ST7L: variants seen among roughly 807,000 people sequenced by gnomAD.
ST7L encodes suppressor of tumorigenicity 7 protein-like.
Under a neutral mutation model 72.5 loss-of-function variants are expected in ST7L, and 57 were observed. That is an observed-to-expected ratio of 0.79 (90% CI 0.64 to 0.98). The LOEUF (loss-of-function observed/expected upper bound fraction) is 0.98, where lower values mean the gene tolerates loss of function less well. ST7L is among the 50% of genes least tolerant of loss of function. The probability of loss-of-function intolerance (pLI) is 0.00; values close to 1 mark genes in which losing one functional copy is unlikely to be tolerated. For synonymous variants in ST7L, 221 were observed against 240.9 expected, an observed-to-expected ratio of 0.92 and a Z score of 0.77; for missense variants, 576 against 672.2, an observed-to-expected ratio of 0.86 and a Z score of 1.58.
chr1:112,574,634 G>T (rs1662796491), intron 11 of ST7L, among the ~76,000 whole-genome samples: 1 of 151,134 alleles, frequency 6.6e-6, no homozygotes, highest in Non-Finnish European at 1.5e-5. Flanking sequence ...ACTCCAGCCT[G>T]GGCGACAGAA....
intron 11 of ST7L, among the ~76,000 whole-genome samples, chr1:112,566,294 C>CTTTTTTTTTTTTTTTTTTTTTTT (rs33915951): frequency 4.6e-5 from 5 of 108,974 alleles, no homozygotes; most frequent in Admixed American, 1.0e-4. Flanking sequence ...TTTTCTTCTT[C>CTTTTTTTTTTTTTTTTTTTTTTT]TTCTTTTTTT....
chr1:112,550,753 G>C, intron 12 of ST7L, 60 bp from the exon 13 acceptor site: 1 of 1,350,958 alleles, frequency 7.4e-7, no homozygotes, highest in Non-Finnish European at 1.0e-6. Context: ...TCCTATATTT[G>C]GAGACAAATT....
At chr1:112,540,647 T>C (rs1655950717) in intron 14 of ST7L, 1 of 1,183,598 alleles carries the variant, frequency 8.4e-7, no homozygotes, top group Non-Finnish European at 1.1e-6. Flanking sequence ...CCACTGCTCT[T>C]ACCACTGGTG....
intron 2 of ST7L, among the ~76,000 whole-genome samples, chr1:112,611,778 C>G (rs7546094): frequency 6.6e-6 from 1 of 151,624 alleles, no homozygotes; most frequent in Non-Finnish European, 1.5e-5. Context: ...CTGGACAAAA[C>G]AGTGAGACCT....
downstream of ST7L, chr1:112,520,565 A>C (rs1259905230): frequency 6.4e-7 from 1 of 1,562,472 alleles, no homozygotes; most frequent in African/African-American, 1.4e-5. Context: ...CAAAAGCACA[A>C]GATCCTTGCA....
intron 2 of ST7L, 81 bp from the exon 3 acceptor site, chr1:112,611,084 T>TCC: frequency 2.9e-6 from 4 of 1,397,324 alleles, no homozygotes; most frequent in Non-Finnish European, 3.9e-6. Flanking sequence ...TCTCAAGATG[T>TCC]CCTGTTCAAT....
chr1:112,594,148 C>T (rs1666075769), intron 5 of ST7L, among the ~76,000 whole-genome samples: 1 of 151,312 alleles, frequency 6.6e-6, no homozygotes, highest in Non-Finnish European at 1.5e-5. Context: ...CCCTATCCTA[C>T]CTAACCACAA....
At chr1:112,529,672 C>T (rs773762290) in intron 14 of ST7L, 6 of 139,296 alleles carry the variant, frequency 4.3e-5, no homozygotes, top group Non-Finnish European at 7.7e-5. Context: ...GCTCAAAATG[C>T]AATTTTAAAA....
chr1:112,581,888 G>T, intron 9 of ST7L, 104 bp downstream of exon 9: 1 of 821,910 alleles, frequency 1.2e-6, no homozygotes, highest in Non-Finnish European at 2.0e-6. Context: ...AATACTGACT[G>T]GTAAGAACAG....
At chr1:112,601,629 T>C (rs544035443) in intron 3 of ST7L, among the ~76,000 whole-genome samples, 7 of 152,302 alleles carry the variant, frequency 4.6e-5, no homozygotes, top group Admixed American at 3.9e-4. Context: ...AAGGTGGTGA[T>C]ATTTGAACTG....
intron 6 of ST7L, 76 bp from the exon 7 acceptor site, chr1:112,584,202 C>A: frequency 7.0e-7 from 1 of 1,420,686 alleles, no homozygotes; most frequent in South Asian, 1.4e-5. Context: ...TCCCTTTGCT[C>A]TATGTCATAT....
intron 12 of ST7L, among the ~76,000 whole-genome samples, chr1:112,553,858 G>T (rs2101583763): frequency 6.6e-6 from 1 of 152,294 alleles, no homozygotes; most frequent in East Asian, 1.9e-4. Context: ...ATATCTGACA[G>T]ATGTTGAATT....
chr1:112,593,025 G>A (rs1487121842), intron 5 of ST7L, among the ~76,000 whole-genome samples: 1 of 152,064 alleles, frequency 6.6e-6, no homozygotes, highest in Admixed American at 6.6e-5. Context: ...TTCAGGCAGT[G>A]TAACACAGTA....
chr1:112,613,380 T>C (rs1669368215), intron 2 of ST7L, among the ~76,000 whole-genome samples: 1 of 152,218 alleles, frequency 6.6e-6, no homozygotes, highest in South Asian at 2.1e-4. Context: ...ATTTTAGAGA[T>C]GAGGACACAC....
intron 14 of ST7L, chr1:112,526,699 C>T (rs1570825585): frequency 6.6e-6 from 1 of 150,630 alleles, no homozygotes; most frequent in Admixed American, 6.6e-5. Context: ...CAAGATGCAC[C>T]ACTGCACTCC....
At chr1:112,528,116 A>C (rs116497043) in intron 14 of ST7L, 3 of 152,354 alleles carry the variant, frequency 2.0e-5, no homozygotes, top group African/African-American at 7.2e-5. Context: ...GAGATTAAGC[A>C]GAGATGGCAT....
chr1:112,616,062 G>A (rs1470446030), intron 2 of ST7L, among the ~76,000 whole-genome samples: 4 of 152,060 alleles, frequency 2.6e-5, no homozygotes, highest in Non-Finnish European at 4.4e-5. Context: ...TAAATCATTT[G>A]AAAAATTGAA....
upstream of ST7L, chr1:112,619,626 T>G: frequency 1.7e-6 from 1 of 573,442 alleles, no homozygotes; most frequent in Non-Finnish European, 3.1e-6. Context: ...TTGGGAAAGA[T>G]ATTAGACTTC....
chr1:112,543,272 G>A (rs752986937), intron 13 of ST7L, among the ~76,000 whole-genome samples: 13 of 152,292 alleles, frequency 8.5e-5, no homozygotes, highest in Non-Finnish European at 1.3e-4. Context: ...TAGGTAAGAC[G>A]GGAGCAGTGG....
Sources: gnomAD v4.1 joint callset for allele counts (sites outside exome capture counted in the v4.1 genomes callset) on GRCh38, gnomAD v4.1.1 for gene constraint, MANE v1.5 for transcripts, NCBI Gene and HGNC (gene_info 2026-07-23, HGNC 2026-07-21) for gene names.